The following GNAL variants were observed in gnomAD, a reference collection of about 807,000 sequenced individuals.
GNAL encodes the protein guanine nucleotide-binding protein G(olf) subunit alpha.
GNAL carries 18 observed loss-of-function variants against 55.1 expected under a neutral mutation model. The observed-to-expected ratio is 0.33, with a 90% confidence interval of 0.23 to 0.48. GNAL has a LOEUF of 0.48. GNAL is among the 20% of genes least tolerant of loss of function. The pLI is 0.99. For synonymous variants in GNAL, 253 were observed against 237.0 expected (o/e 1.07, Z -0.62); for missense variants, 412 against 614.1 (o/e 0.67, Z 3.48).
intron 1 of GNAL, among the ~76,000 whole-genome samples, chr18:11,729,858 A>G (rs1002616561): frequency 1.3e-4 from 20 of 152,182 alleles, no homozygotes; most frequent in Non-Finnish European, 2.8e-4. Context: ...TTGATTTTAC[A>G]CATTAGGGAG....
At chr18:11,802,057 T>C (rs1025170027) in intron 4 of GNAL, among the ~76,000 whole-genome samples, 2 of 152,210 alleles carry the variant, frequency 1.3e-5, no homozygotes, top group African/African-American at 2.4e-5. Flanking sequence ...TGGTTACCTG[T>C]TTCCCTGAAA....
intron 9 of GNAL, among the ~76,000 whole-genome samples, chr18:11,870,475 C>T (rs1244746679): frequency 2.6e-5 from 4 of 151,904 alleles, no homozygotes; most frequent in African/African-American, 7.3e-5. Context: ...GAGCTGAGAT[C>T]GCACCACTGA....
chr18:11,789,708 T>C (rs1027030635), intron 4 of GNAL, among the ~76,000 whole-genome samples: 23 of 152,246 alleles, frequency 1.5e-4, no homozygotes, highest in Admixed American at 1.4e-3. Flanking sequence ...TCTTAGCATT[T>C]GCTACCAGAA....
chr18:11,797,463 C>T (rs771083838), intron 4 of GNAL, among the ~76,000 whole-genome samples: 88 of 152,062 alleles, frequency 5.8e-4, no homozygotes, highest in Non-Finnish European at 9.6e-4. Context: ...ATCTGTCCAC[C>T]AGGCGTGATG....
intron 6 of GNAL, among the ~76,000 whole-genome samples, chr18:11,863,675 C>T (rs1232492502): frequency 6.6e-6 from 1 of 152,148 alleles, no homozygotes; most frequent in Non-Finnish European, 1.5e-5. Context: ...TGACATCTGC[C>T]AAATGTACCA....
intron 4 of GNAL, 101 bp downstream of exon 4, chr18:11,754,046 C>T (rs1260887778): frequency 3.5e-6 from 3 of 860,104 alleles, no homozygotes; most frequent in East Asian, 2.5e-5. Context: ...TCATTATTAA[C>T]TTTCTTCGAA....
At chr18:11,727,715 G>GT (rs774606011) in intron 1 of GNAL, among the ~76,000 whole-genome samples, 2 of 152,216 alleles carry the variant, frequency 1.3e-5, no homozygotes, top group South Asian at 2.1e-4. Context: ...GAGAGGAGGA[G>GT]TTTTTTTGAC....
chr18:11,771,254 T>C (rs1252848068), intron 4 of GNAL, among the ~76,000 whole-genome samples: 1 of 150,932 alleles, frequency 6.6e-6, no homozygotes, highest in Non-Finnish European at 1.5e-5. Flanking sequence ...TTATCATTAG[T>C]GTTTCTTATT....
At chr18:11,781,002 A>G (rs899778161) in intron 4 of GNAL, among the ~76,000 whole-genome samples, 9 of 152,248 alleles carry the variant, frequency 5.9e-5, no homozygotes, top group Non-Finnish European at 8.8e-5. Flanking sequence ...ATGCCTTTGC[A>G]TTTAACTGAC....
intron 5 of GNAL, among the ~76,000 whole-genome samples, chr18:11,849,103 G>A (rs367577889): frequency 1.8e-4 from 28 of 152,272 alleles, no homozygotes; most frequent in Admixed American, 5.2e-4. Context: ...AACAATGTCT[G>A]GTGCATAAGT....
chr18:11,880,582 TATAA>T (rs1399593643), intron 11 of GNAL, among the ~76,000 whole-genome samples: 1 of 152,078 alleles, frequency 6.6e-6, no homozygotes, highest in African/African-American at 2.4e-5. Flanking sequence ...CTCAAAAATA[TATAA>T]ATAAACAAAC....
intron 5 of GNAL, among the ~76,000 whole-genome samples, chr18:11,846,448 AAT>A (rs1005427124): frequency 8.5e-6 from 1 of 118,080 alleles, no homozygotes; most frequent in Non-Finnish European, 1.7e-5. Context: ...TATAAATATA[AAT>A]ATATATATAA....
At chr18:11,822,405 G>A (rs2035122299) in intron 4 of GNAL, among the ~76,000 whole-genome samples, 1 of 152,200 alleles carries the variant, frequency 6.6e-6, no homozygotes, top group Admixed American at 6.5e-5. Context: ...AAGAGTTGGA[G>A]ACCAGCTTGG....
chr18:11,713,333 G>A (rs995674526), intron 1 of GNAL, among the ~76,000 whole-genome samples: 7 of 152,360 alleles, frequency 4.6e-5, no homozygotes, highest in East Asian at 3.9e-4. Flanking sequence ...GGCTGTTGGC[G>A]TGGGGAAGCT....
At chr18:11,858,904 C>A (rs1024021111) in intron 5 of GNAL, among the ~76,000 whole-genome samples, 2 of 152,194 alleles carry the variant, frequency 1.3e-5, no homozygotes, top group East Asian at 3.9e-4. Flanking sequence ...AGCCTCATCA[C>A]TGTCAGCATC....
At chr18:11,827,644 C>T (rs1050393764) in intron 5 of GNAL, among the ~76,000 whole-genome samples, 2 of 136,724 alleles carry the variant, frequency 1.5e-5, no homozygotes, top group Non-Finnish European at 3.1e-5. Context: ...TAAAAATGTC[C>T]TGTTTCCTGC....
At chr18:11,838,980 T>C (rs2035555548) in intron 5 of GNAL, among the ~76,000 whole-genome samples, 1 of 152,176 alleles carries the variant, frequency 6.6e-6, no homozygotes, top group Non-Finnish European at 1.5e-5. Context: ...CACAGTAACA[T>C]ATAAATATGA....
chr18:11,782,254 T>G (rs564983655), intron 4 of GNAL, among the ~76,000 whole-genome samples: 1 of 152,248 alleles, frequency 6.6e-6, no homozygotes, highest in South Asian at 2.1e-4. Context: ...GAGGCGGAGC[T>G]TGCAGTGAGC....
At chr18:11,789,175 T>C (rs2034160658) in intron 4 of GNAL, among the ~76,000 whole-genome samples, 2 of 151,964 alleles carry the variant, frequency 1.3e-5, no homozygotes, top group African/African-American at 4.8e-5. Context: ...GAGGAGCAGT[T>C]GAGGCCCTCA....
Sources: allele counts gnomAD v4.1 joint callset (sites outside exome capture counted in the v4.1 genomes callset), GRCh38; gene constraint gnomAD v4.1.1; transcripts MANE v1.5; gene names NCBI Gene and HGNC (gene_info 2026-07-23, HGNC 2026-07-21).